FHIT: variants seen among roughly 807,000 people sequenced by gnomAD.
FHIT encodes the protein bis(5'-adenosyl)-triphosphatase.
FHIT carries 19 observed loss-of-function variants against 17.9 expected under a neutral mutation model. The ratio of observed to expected loss-of-function variants is 1.06; its 90% CI spans 0.74 to 1.56. FHIT has a LOEUF of 1.56. Ranked by LOEUF, FHIT falls within the 40% of genes most tolerant of loss-of-function variation. FHIT has a pLI of 0.00. For synonymous variants in FHIT, 81 were observed against 69.7 expected, an observed-to-expected ratio of 1.16 and a Z score of -0.81; for missense variants, 248 against 189.2, an observed-to-expected ratio of 1.31 and a Z score of -1.82.
intron 8 of FHIT, among the ~76,000 whole-genome samples, chr3:59,798,966 C>T (rs867336971): frequency 3.9e-5 from 6 of 152,318 alleles, no homozygotes; most frequent in East Asian, 1.9e-4. Flanking sequence ...CCTCCAGCCA[C>T]GTTGGTGAAC....
At chr3:60,954,502 T>C (rs545194180) in intron 3 of FHIT, among the ~76,000 whole-genome samples, 1 of 152,310 alleles carries the variant, frequency 6.6e-6, no homozygotes, top group South Asian at 2.1e-4. Context: ...TAAAGCTGAG[T>C]TCAAACCCTG....
At chr3:61,132,231 G>T (rs1339212831) in intron 2 of FHIT, among the ~76,000 whole-genome samples, 2 of 152,186 alleles carry the variant, frequency 1.3e-5, no homozygotes, top group African/African-American at 4.8e-5. Flanking sequence ...GAATTAGTCT[G>T]CATGGGCCAC....
chr3:60,003,570 C>T (rs918229627), intron 7 of FHIT, among the ~76,000 whole-genome samples: 13 of 152,028 alleles, frequency 8.6e-5, no homozygotes, highest in Non-Finnish European at 1.2e-4. Context: ...CATGATGAAA[C>T]CTCATCTCTA....
chr3:60,987,596 G>T (rs1173263982), intron 3 of FHIT, among the ~76,000 whole-genome samples: 1 of 152,222 alleles, frequency 6.6e-6, no homozygotes, highest in Admixed American at 6.5e-5. Context: ...CAGCTCTGAA[G>T]GCTGTGAGAC....
intron 3 of FHIT, among the ~76,000 whole-genome samples, chr3:60,910,568 C>T (rs1173372872): frequency 1.3e-5 from 2 of 152,000 alleles, no homozygotes; most frequent in African/African-American, 2.4e-5. Flanking sequence ...CCCACCACCA[C>T]GCCCGGCTAA....
chr3:60,011,431 GAATA>G (rs1559547135), intron 6 of FHIT, 31 bp from the exon 7 acceptor site: 3 of 1,589,188 alleles, frequency 1.9e-6, no homozygotes, highest in Non-Finnish European at 1.7e-6. Context: ...ACAGAGGTGA[GAATA>G]GATAGATGGT....
intron 5 of FHIT, among the ~76,000 whole-genome samples, chr3:60,041,385 A>T (rs978093001): frequency 6.6e-6 from 1 of 152,190 alleles, no homozygotes; most frequent in Admixed American, 6.5e-5. Context: ...GACTTCTTTC[A>T]GACAGCAATA....
At chr3:60,174,264 T>C (rs1374832561) in intron 5 of FHIT, among the ~76,000 whole-genome samples, 3 of 151,954 alleles carry the variant, frequency 2.0e-5, no homozygotes, top group East Asian at 3.9e-4. Flanking sequence ...AAAAATCTTA[T>C]GGCTACACCA....
At chr3:60,785,276 G>T (rs782071384) in intron 4 of FHIT, among the ~76,000 whole-genome samples, 2 of 152,240 alleles carry the variant, frequency 1.3e-5, no homozygotes, top group Non-Finnish European at 2.9e-5. Context: ...GTCTGAAAGT[G>T]ATGACTGAGA....
At chr3:60,196,615 A>C (rs1330515552) in intron 5 of FHIT, among the ~76,000 whole-genome samples, 2 of 152,038 alleles carry the variant, frequency 1.3e-5, no homozygotes, top group African/African-American at 4.8e-5. Flanking sequence ...CCACCTACCA[A>C]AGTGGGTTAG....
chr3:60,350,628 C>A (rs1014734624), intron 5 of FHIT, among the ~76,000 whole-genome samples: 7 of 152,138 alleles, frequency 4.6e-5, no homozygotes, highest in Non-Finnish European at 1.0e-4. Flanking sequence ...CTCCCTCCTT[C>A]CTCCCTGTAT....
intron 8 of FHIT, among the ~76,000 whole-genome samples, chr3:59,882,962 T>G (rs901366622): frequency 6.6e-6 from 1 of 152,196 alleles, no homozygotes; most frequent in Non-Finnish European, 1.5e-5. Context: ...GGAAATTATT[T>G]TCTTGGCAGT....
intron 4 of FHIT, among the ~76,000 whole-genome samples, chr3:60,544,630 C>T (rs2036302012): frequency 7.2e-6 from 1 of 138,308 alleles, no homozygotes; most frequent in African/African-American, 2.7e-5. Context: ...CAGAGTCTCA[C>T]TCTGTTTTCC....
intron 3 of FHIT, among the ~76,000 whole-genome samples, chr3:60,971,143 G>T (rs1184613706): frequency 6.6e-6 from 1 of 152,080 alleles, no homozygotes; most frequent in African/African-American, 2.4e-5. Context: ...CAAGGCAGGT[G>T]GATCACTTGA....
At chr3:60,688,827 T>C (rs996262237) in intron 4 of FHIT, among the ~76,000 whole-genome samples, 3 of 152,226 alleles carry the variant, frequency 2.0e-5, no homozygotes, top group Admixed American at 2.0e-4. Context: ...TAATCTTATT[T>C]CATGCTTTGT....
intron 4 of FHIT, among the ~76,000 whole-genome samples, chr3:60,584,887 C>A (rs1553661112): frequency 6.6e-6 from 1 of 151,962 alleles, no homozygotes; most frequent in African/African-American, 2.4e-5. Flanking sequence ...AAGCAAGAGG[C>A]TCTCTGATTA....
intron 5 of FHIT, among the ~76,000 whole-genome samples, chr3:60,224,929 C>T (rs557397987): frequency 6.6e-6 from 1 of 151,904 alleles, no homozygotes; most frequent in Non-Finnish European, 1.5e-5. Flanking sequence ...CCATTTTGGC[C>T]AGACTGGTCT....
chr3:59,884,562 C>A (rs17061331), intron 8 of FHIT, among the ~76,000 whole-genome samples: 1 of 152,120 alleles, frequency 6.6e-6, no homozygotes, highest in Non-Finnish European at 1.5e-5. Context: ...TCCGTAAAAC[C>A]ATTTCCTATC....
intron 5 of FHIT, among the ~76,000 whole-genome samples, chr3:60,356,161 G>A (rs1174297914): frequency 1.3e-5 from 2 of 152,190 alleles, no homozygotes; most frequent in African/African-American, 4.8e-5. Flanking sequence ...AATTGTGTTT[G>A]TTCAGGAAGG....
Sources: gnomAD v4.1 joint callset for allele counts (sites outside exome capture counted in the v4.1 genomes callset) on GRCh38, gnomAD v4.1.1 for gene constraint, MANE v1.5 for transcripts, NCBI Gene and HGNC (gene_info 2026-07-23, HGNC 2026-07-21) for gene names.